RAPH1: variants seen among roughly 807,000 people sequenced by gnomAD.
RAPH1 encodes the protein Ras association (RalGDS/AF-6) and pleckstrin homology domains 1, also known as ras-associated and pleckstrin homology domains-containing protein 1.
RAPH1 carries 18 observed loss-of-function variants against 88.1 expected under a neutral mutation model. The observed-to-expected ratio is 0.20, with a 90% confidence interval of 0.14 to 0.30. The LOEUF (loss-of-function observed/expected upper bound fraction) is 0.30, where lower values mean the gene tolerates loss of function less well. Ranked by LOEUF, RAPH1 falls within the 10% of genes least tolerant of loss-of-function variation. RAPH1 has a pLI of 1.00. For synonymous variants in RAPH1, 587 were observed against 559.0 expected, an observed-to-expected ratio of 1.05 and a Z score of -0.71; for missense variants, 1,448 against 1,543.2, an observed-to-expected ratio of 0.94 and a Z score of 1.03.
chr2:203,497,916 TGAAA>T (rs1688587112), intron 1 of RAPH1, among the ~76,000 whole-genome samples: 1 of 152,338 alleles, frequency 6.6e-6, no homozygotes, highest in East Asian at 1.9e-4. Flanking sequence ...AAAATGTTAC[TGAAA>T]AGAAAAACCT....
intron 8 of RAPH1, among the ~76,000 whole-genome samples, chr2:203,456,408 T>C (rs779174541): frequency 6.6e-6 from 1 of 152,222 alleles, no homozygotes; most frequent in Non-Finnish European, 1.5e-5. Flanking sequence ...ATTTAAAAAC[T>C]ATCCATTTAT....
At chr2:203,455,340 C>G in intron 9 of RAPH1, 97 bp downstream of exon 9, 1 of 1,171,574 alleles carries the variant, frequency 8.5e-7, no homozygotes, top group East Asian at 2.4e-5. Context: ...CGAACTGAAA[C>G]AAATCATAGC....
At chr2:203,493,971 C>CAAAAAAAAAAAAAAAAAAAA (rs397937732) in intron 2 of RAPH1, among the ~76,000 whole-genome samples, 2 of 18,962 alleles carry the variant, frequency 1.1e-4, no homozygotes, top group African/African-American at 1.4e-4. Context: ...GACTCTATCT[C>CAAAAAAAAAAAAAAAAAAAA]AAAAAAAAAA....
chr2:203,459,957 G>C lies in RAPH1; in HGVS notation c.1042C>G (p.Leu348Val). 6.2e-7 allele frequency: 1 copy of C among 1,611,948 alleles called. No homozygotes were observed. The highest frequency in any genetic ancestry group is 8.5e-7 in the Non-Finnish European group (1 of 1,178,350). ...TTTTCTATACGCTCCATAAATATAA[G>C]CTTGTTTTGGCTATCTCTTGTCCAA... ...LNWTRDSQNK[L>V]IFMERIEKYA... Residue 348 changes from leucine (L) to valine (V), a missense_variant, in exon 7 of 14, where the codon CTT (leucine) becomes GTT (valine). Leu to Val is a conservative substitution (Grantham distance 32). Transcript: ENST00000319170.
In RAPH1 at chr2:203,440,001, T is replaced by C. The variant is rs894730640; in HGVS notation, c.3189A>G (p.Glu1063=). Residue 1063 remains glutamate, a synonymous_variant, in exon 14 of 14, where the codon GAA becomes GAG. Coordinates refer to ENST00000319170, the MANE Select transcript of RAPH1 (RefSeq NM_213589.3). ...LSGRGKDSVV[E]FPSPPSDSDF... ...CAGAATCGGATGGAGGAGAAGGAAA[T>C]TCCACCACGGAGTCCTTTCCACGCC... The C allele has an allele frequency of 2.5e-6, 4 of 1,613,202 alleles. No homozygotes were observed. In the Admixed American group the frequency reaches 5.0e-5, roughly 20 times the overall value.
chr2:203,449,070 G>C (rs1156418530), intron 10 of RAPH1, among the ~76,000 whole-genome samples: 1 of 152,192 alleles, frequency 6.6e-6, no homozygotes, highest in Non-Finnish European at 1.5e-5. Context: ...AGTTAAAATA[G>C]ATCTTCACAT....
chr2:203,439,730 A>G lies in RAPH1; in HGVS notation c.3460T>C (p.Ser1154Pro), dbSNP rs374928636. 3.7e-4 allele frequency: 595 copies of G among 1,613,952 alleles called. 6 individuals carry two copies. The South Asian group carries it at 5.6e-3, about 15-fold the overall frequency. The change falls in exon 14 of 14, where the codon TCT (serine) becomes CCT (proline). Residue 1154 changes from serine to proline, a missense_variant. Physicochemically the swap from Ser to Pro is moderately conservative, Grantham distance 74. Around this residue, in one of 2 missense-constraint regions of RAPH1, gnomAD observed 935 missense variants for 890.1 expected, o/e 1.05. Coordinates refer to ENST00000319170, the MANE Select transcript of RAPH1 (RefSeq NM_213589.3). ...TGGACACTAAGGCTGGATTTGGGAGAGGTGGGCACTTGTGGCACAACTGTG... is the reference window on the plus strand; with the variant it reads ...TGGACACTAAGGCTGGATTTGGGAGGGGTGGGCACTTGTGGCACAACTGTG... ...MATVVPQVPT[S>P]PKSSLSVQPG...
At chr2:203,502,404 T>C (rs1161918060) in intron 1 of RAPH1, among the ~76,000 whole-genome samples, 1 of 152,184 alleles carries the variant, frequency 6.6e-6, no homozygotes, top group East Asian at 1.9e-4. Flanking sequence ...TTCACTATCA[T>C]CTACATTAAC....
In RAPH1 at chr2:203,440,415, C is replaced by G; in HGVS notation, c.2775G>C (p.Leu925=). 5.8e-6 allele frequency: 9 copies of G among 1,555,570 alleles called. No homozygotes were observed. Among genetic ancestry groups the G allele is most frequent in the Non-Finnish European group, 7.8e-6 (9 of 1,151,314 alleles). ...GTGATGGGGGTGGAGGAGGAAACAC[C>G]AGGCTGCTTTCAGGAGGGGGAGGAG... is the stretch of plus-strand genomic sequence containing the variant. ...DFPPPPPESS[L]VFPPPPPSPV... The change falls in exon 14 of 14, where the codon CTG becomes CTC. Residue 925 remains leucine, a synonymous_variant. Transcript: ENST00000319170.
chr2:203,492,933 C>A (rs2105841583), intron 2 of RAPH1, among the ~76,000 whole-genome samples: 1 of 152,178 alleles, frequency 6.6e-6, no homozygotes, highest in Admixed American at 6.5e-5. Context: ...GAAGATTGAC[C>A]AACTACCTAA....
intron 4 of RAPH1, among the ~76,000 whole-genome samples, chr2:203,464,468 G>A (rs1559464257): frequency 1.3e-5 from 2 of 152,184 alleles, no homozygotes; most frequent in South Asian, 2.1e-4. Context: ...ACAGGGTTTC[G>A]CCATGTTGGC....
At chr2:203,452,781 G>A (rs989195811) in intron 10 of RAPH1, among the ~76,000 whole-genome samples, 1 of 152,036 alleles carries the variant, frequency 6.6e-6, no homozygotes, top group Admixed American at 6.6e-5. Flanking sequence ...AACCTCATCT[G>A]TCCTAAAAAT....
At chr2:203,509,189 G>C (rs888865866) in intron 1 of RAPH1, among the ~76,000 whole-genome samples, 1 of 149,138 alleles carries the variant, frequency 6.7e-6, no homozygotes, top group Non-Finnish European at 1.5e-5. Flanking sequence ...TTGTGCCTCA[G>C]CCTCCTGAGT....
intron 4 of RAPH1, among the ~76,000 whole-genome samples, chr2:203,463,507 G>A (rs1018101501): frequency 1.3e-5 from 2 of 152,090 alleles, no homozygotes; most frequent in African/African-American, 4.8e-5. Flanking sequence ...TTACTATTTT[G>A]TGGAACAGAG....
intron 2 of RAPH1, among the ~76,000 whole-genome samples, chr2:203,494,978 A>T (rs1287366875): frequency 6.6e-6 from 1 of 152,160 alleles, no homozygotes; most frequent in African/African-American, 2.4e-5. Flanking sequence ...CATATTTATG[A>T]AACATATATT....
intron 1 of RAPH1, among the ~76,000 whole-genome samples, chr2:203,508,590 A>G (rs1689194378): frequency 6.6e-6 from 1 of 152,278 alleles, no homozygotes. Flanking sequence ...TCACATCACC[A>G]CAATGATCCA....
intron 4 of RAPH1, among the ~76,000 whole-genome samples, chr2:203,483,875 C>A (rs1051518373): frequency 6.6e-6 from 1 of 152,180 alleles, no homozygotes; most frequent in Non-Finnish European, 1.5e-5. Flanking sequence ...ATACCAGCAG[C>A]CTCCCTTGGG....
At position 203,487,102 on chromosome 2, in the gene RAPH1, A is replaced by G. The variant is rs1581340612; in HGVS notation, c.732+2482T>C. Among the ~76,000 whole-genome samples, 3 of 152,350 alleles carry G rather than the reference A, an allele frequency of 2.0e-5. No individual in the cohort carries two copies. The East Asian group carries it at 5.8e-4, about 29-fold the overall frequency. On this transcript the variant is annotated intron_variant, in intron 4 of 13. Transcript: ENST00000319170. Reference sequence around the variant, plus strand: ...CCCCTATACTGTATGAACTTTTATAATGAGCACATTTTACAGACAGAAAGA... The same window carrying G: ...CCCCTATACTGTATGAACTTTTATAGTGAGCACATTTTACAGACAGAAAGA...
intron 4 of RAPH1, among the ~76,000 whole-genome samples, chr2:203,486,396 A>C (rs567003482): frequency 1.3e-5 from 2 of 152,332 alleles, no homozygotes; most frequent in South Asian, 2.1e-4. Context: ...TATTTGGAGA[A>C]TGGAAAAACA....
Sources: allele counts gnomAD v4.1 joint callset (sites outside exome capture counted in the v4.1 genomes callset), GRCh38; gene constraint gnomAD v4.1.1; regional missense constraint gnomAD v4.1.1; transcripts MANE v1.5; gene names NCBI Gene and HGNC (gene_info 2026-07-23, HGNC 2026-07-21).